GCNT2: variants seen among roughly 807,000 people sequenced by gnomAD.
The protein encoded by GCNT2 is N-acetyllactosaminide beta-1,6-N-acetylglucosaminyl-transferase.
Under a neutral mutation model 34.2 loss-of-function variants are expected in GCNT2, and 34 were observed. That is an observed-to-expected ratio of 1.00 (90% confidence interval 0.76 to 1.32). The LOEUF is 1.32. GCNT2 is among the 40% of genes most tolerant of loss of function. The pLI, the probability that GCNT2 is intolerant of heterozygous loss-of-function variation, is 0.00. For synonymous variants in GCNT2, 212 were observed against 188.0 expected, an observed-to-expected ratio of 1.13 and a Z score of -1.04; for missense variants, 584 against 489.4, an observed-to-expected ratio of 1.19 and a Z score of -1.82.
chr6:10,592,140 G>C (rs567416756), intron 3 of GCNT2, among the ~76,000 whole-genome samples: 1 of 151,880 alleles, frequency 6.6e-6, no homozygotes, highest in Non-Finnish European at 1.5e-5. Flanking sequence ...TACTTGGGGG[G>C]GCTGGAGGAC....
At chr6:10,581,665 T>A in intron 3 of GCNT2, 1 of 745,960 alleles carries the variant, frequency 1.3e-6, no homozygotes, top group Non-Finnish European at 1.6e-6. Flanking sequence ...TTGAAAGATT[T>A]CTTGAGTTTG....
chr6:10,538,408 C>CAAAAAAAA (rs70991023), intron 3 of GCNT2, among the ~76,000 whole-genome samples: 3 of 40,190 alleles, frequency 7.5e-5, no homozygotes, highest in African/African-American at 9.9e-5. Context: ...GACTCCGTCT[C>CAAAAAAAA]AAAAAAAAAA....
Position 10,627,654 on chromosome 6 carries a change from A to G in GCNT2, c.*1047A>G, listed in dbSNP as rs550553378. On this transcript the variant is annotated 3_prime_UTR_variant, in exon 5 of 5. Transcript: ENST00000495262. ...TTCAATCAACATCTCTTGAGTGTCT[A>G]TTATGTACAGGACATGTACTGAGAC... 3 of 152,288 alleles carry G rather than the reference A, an allele frequency of 2.0e-5. No individual in the cohort carries two copies. Among genetic ancestry groups the G allele is most frequent in the East Asian group, 1.9e-4 (1 of 5,186 alleles). The allele number at this position is 152,288 out of a possible 1,614,324, so 9.4% of individuals were successfully genotyped here.
chr6:10,613,850 T>C (rs1468743917), intron 3 of GCNT2, among the ~76,000 whole-genome samples: 1 of 152,196 alleles, frequency 6.6e-6, no homozygotes, highest in Non-Finnish European at 1.5e-5. Context: ...TGTCCAGGGA[T>C]ACCCAGCTGG....
chr6:10,522,608 A>G (rs1391521487), intron 1 of GCNT2, among the ~76,000 whole-genome samples: 1 of 152,148 alleles, frequency 6.6e-6, no homozygotes, highest in Non-Finnish European at 1.5e-5. Flanking sequence ...TGAACAGCAT[A>G]TTGCAATTAT....
chr6:10,585,695 G>C, intron 3 of GCNT2: 1 of 1,069,182 alleles, frequency 9.4e-7, no homozygotes, highest in Non-Finnish European at 1.2e-6. Flanking sequence ...AGGCTTCCTA[G>C]AGGCTGGACT....
At chr6:10,549,374 G>A (rs928651806) in intron 3 of GCNT2, among the ~76,000 whole-genome samples, 16 of 152,052 alleles carry the variant, frequency 1.1e-4, no homozygotes, top group Non-Finnish European at 4.4e-5. Context: ...GTAAATACTG[G>A]AGAATGGAAT....
intron 3 of GCNT2, among the ~76,000 whole-genome samples, chr6:10,559,717 G>A (rs1277718094): frequency 6.6e-6 from 1 of 152,240 alleles, no homozygotes; most frequent in Non-Finnish European, 1.5e-5. Context: ...GCAACTGCCT[G>A]GAGAGGAAGG....
At chr6:10,522,112 T>C (rs1760943042) in intron 1 of GCNT2, among the ~76,000 whole-genome samples, 1 of 151,888 alleles carries the variant, frequency 6.6e-6, no homozygotes, top group African/African-American at 2.4e-5. Flanking sequence ...GGTCTCAAAC[T>C]CCTGACTCCA....
chr6:10,566,817 T>G (rs1763304061), intron 3 of GCNT2, among the ~76,000 whole-genome samples: 1 of 152,154 alleles, frequency 6.6e-6, no homozygotes, highest in Admixed American at 6.5e-5. Context: ...TTTATATGGG[T>G]TTAAATGGTG....
chr6:10,542,392 C>T (rs1041273620), intron 3 of GCNT2, among the ~76,000 whole-genome samples: 2 of 148,176 alleles, frequency 1.3e-5, no homozygotes. Flanking sequence ...ATATAATTTA[C>T]ATACCATAAA....
chr6:10,610,772 C>G (rs1765513911), intron 3 of GCNT2, among the ~76,000 whole-genome samples: 1 of 152,126 alleles, frequency 6.6e-6, no homozygotes. Flanking sequence ...TCAACAAGTT[C>G]TTTAGCACAT....
At chr6:10,613,857 C>A (rs1460974580) in intron 3 of GCNT2, among the ~76,000 whole-genome samples, 1 of 152,158 alleles carries the variant, frequency 6.6e-6, no homozygotes, top group Admixed American at 6.5e-5. Context: ...GGATACCCAG[C>A]TGGTTAGTGG....
At chr6:10,533,933 G>A (rs1038048284) in intron 3 of GCNT2, among the ~76,000 whole-genome samples, 2 of 151,532 alleles carry the variant, frequency 1.3e-5, no homozygotes, top group Non-Finnish European at 2.9e-5. Context: ...CTGGTGCAGT[G>A]GTCAGGCTCT....
chr6:10,556,915 G>A, intron 3 of GCNT2: 1 of 1,614,108 alleles, frequency 6.2e-7, no homozygotes, highest in Non-Finnish European at 8.5e-7. Context: ...GGATCTCCAG[G>A]CTCCAGGCTG....
chr6:10,619,310 T>C (rs1323523323), intron 3 of GCNT2: 1 of 151,908 alleles, frequency 6.6e-6, no homozygotes. Context: ...GCCTCCCCAG[T>C]AGCTGGGACT....
intron 3 of GCNT2, chr6:10,586,251 C>T (rs779713259): frequency 2.3e-5 from 37 of 1,614,074 alleles, no homozygotes; most frequent in Non-Finnish European, 2.5e-6. Flanking sequence ...CACAAGTCCC[C>T]TGTCGGAAGA....
In GCNT2 at chr6:10,566,904, T is replaced by C. The variant is rs80313855; in HGVS notation, c.925+37068T>C. Among the ~76,000 whole-genome samples the C allele has an allele frequency of 3.3e-3, 499 of 152,356 alleles. 2 individuals carry two copies. The highest frequency in any genetic ancestry group is 0.011 in the African/African-American group (470 of 41,580). On this transcript the variant is annotated intron_variant, in intron 3 of 4. Transcript: ENST00000495262. ...AAGCCAAGGAGTCTGCTCATTCTCT[T>C]GATGGAGTTTGCTTCCCAAGGCTCA...
Position 10,529,469 on chromosome 6 carries a change from T to G in GCNT2, c.558T>G (p.Tyr186Ter), listed in dbSNP as rs754060575. Residue 186 changes from tyrosine (Y) to a stop codon, truncating the protein, a stop_gained, in exon 3 of 5, where the codon TAT becomes TAG. Coordinates refer to ENST00000495262, the MANE Select transcript of GCNT2 (RefSeq NM_145649.5). LOFTEE classifies it high-confidence loss of function. ...DLVASEVPWK[Y>*]VINTCGQDFP... is the part of the protein sequence containing the mutation. ...TGGCCTCTGAAGTTCCCTGGAAGTA[T>G]GTCATCAACACCTGCGGGCAAGACT... 3.7e-6 allele frequency: 6 copies of G among 1,613,972 alleles called. No homozygotes were observed. The highest frequency in any genetic ancestry group is 1.7e-5 in the Admixed American group (1 of 59,984).
Sources: allele counts gnomAD v4.1 joint callset (sites outside exome capture counted in the v4.1 genomes callset), GRCh38; gene constraint gnomAD v4.1.1; transcripts MANE v1.5; gene names NCBI Gene and HGNC (gene_info 2026-07-23, HGNC 2026-07-21).